Variants in CASZ1 observed in about 807,000 individuals in gnomAD.
CASZ1 encodes castor zinc finger 1.
In CASZ1, 28 loss-of-function variants were observed where a neutral mutation model predicts 135.2. That is an observed-to-expected ratio of 0.21 (90% CI 0.15 to 0.28). The LOEUF (loss-of-function observed/expected upper bound fraction) is 0.28, where lower values mean the gene tolerates loss of function less well. Ranked by LOEUF, CASZ1 falls within the 10% of genes least tolerant of loss-of-function variation. CASZ1 has a pLI of 1.00. For synonymous variants in CASZ1, 1,068 were observed against 1,073.4 expected (o/e 0.99, Z 0.10); for missense variants, 2,161 against 2,453.3 (o/e 0.88, Z 2.52).
chr1:10,697,272 G>A lies in CASZ1; in HGVS notation c.-23-3360C>T, dbSNP rs1485979894. On this transcript the variant is annotated intron_variant, in intron 3 of 20. Coordinates refer to ENST00000377022, the MANE Select transcript of CASZ1 (RefSeq NM_001079843.3). The surrounding 1 kb of genome is among the most constrained non-coding windows in gnomAD (Gnocchi z 4.7). ...CCCTTCTCTCTCTTTCTCTCTGAGTGTATCTGCTCATACCAAGAGGAGAGG... is the reference window on the plus strand; with the variant it reads ...CCCTTCTCTCTCTTTCTCTCTGAGTATATCTGCTCATACCAAGAGGAGAGG... Among the ~76,000 whole-genome samples the A allele has an allele frequency of 2.0e-5, 3 of 151,778 alleles. No individual in the cohort carries two copies. The highest frequency in any genetic ancestry group is 3.9e-4 in the East Asian group (2 of 5,170).
At chr1:10,736,354 C>T (rs777005195) in intron 2 of CASZ1, among the ~76,000 whole-genome samples, 102 of 152,310 alleles carry the variant, frequency 6.7e-4, no homozygotes, top group Non-Finnish European at 1.1e-3. Flanking sequence ...GGCAACGAGA[C>T]GGGAGCTCCA....
chr1:10,780,108 TC>T (rs974967180), intron 1 of CASZ1, among the ~76,000 whole-genome samples: 1 of 152,146 alleles, frequency 6.6e-6, no homozygotes, highest in Non-Finnish European at 1.5e-5. Context: ...AAACTGCACT[TC>T]CTCCTTATAA....
rs927369896 is a variant in CASZ1 at position 10,680,242 on chromosome 1, C to T, written c.16+13632G>A. On this transcript the variant is annotated intron_variant, in intron 4 of 20. Transcript: ENST00000377022. ...CAGGCAGAAGGCCTTACGATGCTGC[C>T]GGAGGGCTCCGGCTGGATGGCACGG... 5.7e-4 allele frequency among the ~76,000 whole-genome samples: 70 copies of T among 122,078 alleles called. 2 individuals carry two copies. In the Admixed American group the frequency reaches 6.2e-3, roughly 11 times the overall value. The allele number at this position is 122,078 out of a possible 152,430, so 80.1% of individuals were successfully genotyped here.
At chr1:10,771,778 T>C (rs779586176) in intron 1 of CASZ1, among the ~76,000 whole-genome samples, 1 of 151,980 alleles carries the variant, frequency 6.6e-6, no homozygotes, top group Non-Finnish European at 1.5e-5. Flanking sequence ...CAAACACATA[T>C]GAGAAAAAGA....
At chr1:10,656,942 G>A (rs544643824) in intron 7 of CASZ1, among the ~76,000 whole-genome samples, 2 of 152,310 alleles carry the variant, frequency 1.3e-5, no homozygotes, top group South Asian at 2.1e-4. Context: ...AAAGGGGCAG[G>A]ACAACACTGA....
intron 1 of CASZ1, among the ~76,000 whole-genome samples, chr1:10,795,111 A>ACCGGCCGCCGCTCCGC (rs1182897467): frequency 3.9e-5 from 6 of 151,956 alleles, no homozygotes; most frequent in Non-Finnish European, 7.4e-5. Context: ...GTAAAAATAA[A>ACCGGCCGCCGCTCCGC]CCGGCCGCCG....
rs1000897301 is a variant in CASZ1, at chr1:10,697,244, C to A, written c.-23-3332G>T. ...TGGAGGGGCCCCCAGATTATGCGCC[C>A]CCCCCTTCTCTCTCTTTCTCTCTGA... On this transcript the variant is annotated intron_variant, in intron 3 of 20. Coordinates refer to ENST00000377022, the MANE Select transcript of CASZ1 (RefSeq NM_001079843.3). The surrounding 1 kb of genome is among the most constrained non-coding windows in gnomAD (Gnocchi z 4.7). 9.9e-5 allele frequency among the ~76,000 whole-genome samples: 15 copies of A among 151,948 alleles called. No individual in the cohort carries two copies. Among genetic ancestry groups the A allele is most frequent in the Non-Finnish European group, 1.8e-4 (12 of 67,986 alleles).
intron 4 of CASZ1, among the ~76,000 whole-genome samples, chr1:10,685,611 C>G (rs1351488937): frequency 1.3e-5 from 2 of 152,246 alleles, no homozygotes; most frequent in Non-Finnish European, 2.9e-5. Flanking sequence ...CCTCCCCAAC[C>G]CGGGAGCCCT....
chr1:10,781,975 G>C (rs1223366659), intron 1 of CASZ1, among the ~76,000 whole-genome samples: 1 of 152,190 alleles, frequency 6.6e-6, no homozygotes. Context: ...GACTCCACCA[G>C]CCTTTTCCAG....
chr1:10,693,749 G>GCCGCCCGACCCTCCCGGCCC (rs1408308136), intron 4 of CASZ1, 125 bp downstream of exon 4: 1 of 810,258 alleles, frequency 1.2e-6, no homozygotes, highest in Non-Finnish European at 2.1e-6. Flanking sequence ...CCGGGAGGCA[G>GCCGCCCGACCCTCCCGGCCC]CCGCCCGACC....
At position 10,762,522 on chromosome 1, in the gene CASZ1, C is replaced by T. The variant is rs1045448265; in HGVS notation, c.-233-1665G>A. Among the ~76,000 whole-genome samples the T allele has an allele frequency of 6.6e-6, 1 of 152,118 alleles. No individual in the cohort carries two copies. Among genetic ancestry groups the T allele is most frequent in the African/African-American group, 2.4e-5 (1 of 41,402 alleles). On this transcript the variant is annotated intron_variant, in intron 1 of 20. Transcript: ENST00000377022. The surrounding 1 kb of genome is among the most constrained non-coding windows in gnomAD (Gnocchi z 4.1). ...ACTCCCCTGCCTGTTAGTCCAGAAT[C>T]CCCCAAAGCCCTGGGCAGCCCGTCC...
At position 10,639,232 on chromosome 1, in the gene CASZ1, C is replaced by T; in HGVS notation, c.4990G>A (p.Ala1664Thr). 1 of 923,154 alleles carries T rather than the reference C, an allele frequency of 1.1e-6. No homozygotes were observed. The highest frequency in any genetic ancestry group is 1.3e-6 in the Non-Finnish European group (1 of 774,022). 57.2% of individuals were successfully genotyped at this position (923,154 alleles called of 1,614,324 possible). Residue 1664 changes from alanine (A) to threonine (T), a missense_variant, in exon 21 of 21, where the codon GCC becomes ACC. By Grantham distance (58) the Ala-to-Thr change is moderately conservative. Around this residue, in one of 7 missense-constraint regions of CASZ1, gnomAD observed 185 missense variants for 134.7 expected, o/e 1.37. Transcript: ENST00000377022. This position sits in a 1 kb window ranked among gnomAD's most constrained non-coding sequence, Gnocchi z 4.0. Reference sequence around the variant, plus strand: ...TCCCCAGCTGCGGCGGCGGCGGCGGCGGCGCCCTCGCGCGGCCCGGGGGCG... The same window carrying T: ...TCCCCAGCTGCGGCGGCGGCGGCGGTGGCGCCCTCGCGCGGCCCGGGGGCG... ...AAAPGPREGAAAAAAAAGESS... is the reference protein window; with the variant it reads ...AAAPGPREGATAAAAAAGESS...
intron 1 of CASZ1, among the ~76,000 whole-genome samples, chr1:10,780,031 C>G (rs1640735407): frequency 6.6e-6 from 1 of 152,182 alleles, no homozygotes; most frequent in South Asian, 2.1e-4. Context: ...GTGCCCTGGC[C>G]CTTGTGCCCA....
chr1:10,765,354 G>A (rs574703211), intron 1 of CASZ1, among the ~76,000 whole-genome samples: 16 of 150,954 alleles, frequency 1.1e-4, no homozygotes, highest in African/African-American at 3.9e-4. Context: ...AAACACAGAC[G>A]TGCACATTGC....
rs547684701 is a variant in CASZ1, at chr1:10,675,752, G to A, written c.17-10181C>T. On this transcript the variant is annotated intron_variant, in intron 4 of 20. Transcript: ENST00000377022. Reference sequence around the variant, plus strand: ...TGGGAACTCTCCTGGCCCCTATTAAGCATGGGTAAGGACTCGGGGGCCAGC... The same window carrying A: ...TGGGAACTCTCCTGGCCCCTATTAAACATGGGTAAGGACTCGGGGGCCAGC... Among the ~76,000 whole-genome samples, 18 of 152,092 alleles carry A rather than the reference G, an allele frequency of 1.2e-4. No individual in the cohort carries two copies. In the South Asian group the frequency reaches 3.1e-3, roughly 26 times the overall value.
chr1:10,733,335 G>A (rs552626640), intron 2 of CASZ1, among the ~76,000 whole-genome samples: 68 of 152,188 alleles, frequency 4.5e-4, no homozygotes, highest in Non-Finnish European at 9.0e-4. Context: ...CCTCTGCTGA[G>A]AGTGGCATGT....
At chr1:10,772,320 C>T (rs573425517) in intron 1 of CASZ1, among the ~76,000 whole-genome samples, 8 of 152,288 alleles carry the variant, frequency 5.3e-5, no homozygotes, top group East Asian at 1.9e-4. Context: ...AGACCCAGGC[C>T]GCCACCATTG....
rs754061163 is a variant in CASZ1, at chr1:10,639,908, G to A, written c.4314C>T (p.Asp1438=). ...CTGCGTCCTTGCAGTCCTCGTAAAG[G>A]TCGAAGCGCCGGAAGCCCTCCAGCA... ...GMMLEGFRRF[D]LYEDCKDAAC... Residue 1438 remains aspartate, a synonymous_variant, in exon 21 of 21, where the codon GAC becomes GAT. Coordinates refer to ENST00000377022, the MANE Select transcript of CASZ1 (RefSeq NM_001079843.3). The surrounding 1 kb of genome is among the most constrained non-coding windows in gnomAD (Gnocchi z 4.0). The A allele has an allele frequency of 9.9e-6, 16 of 1,612,926 alleles. No individual in the cohort carries two copies. The East Asian group carries it at 3.6e-4, about 36-fold the overall frequency.
chr1:10,694,544 G>C lies in CASZ1; in HGVS notation c.-23-632C>G, dbSNP rs909795652. The C allele has an allele frequency of 2.1e-5, 3 of 142,878 alleles. No homozygotes were observed. The highest frequency in any genetic ancestry group is 6.9e-5 in the Admixed American group (1 of 14,478). 8.9% of individuals were successfully genotyped at this position (142,878 alleles called of 1,614,324 possible). On this transcript the variant is annotated intron_variant, in intron 3 of 20. Coordinates refer to ENST00000377022, the MANE Select transcript of CASZ1 (RefSeq NM_001079843.3). This position sits in a 1 kb window ranked among gnomAD's most constrained non-coding sequence, Gnocchi z 6.6. ...GCCGCGGCGCCGCCTCCTCGGCCCG[G>C]CCCGCGCCGGCCCCGGCAGGTGAAA...
Sources: gnomAD v4.1 joint callset for allele counts (sites outside exome capture counted in the v4.1 genomes callset) on GRCh38, gnomAD v4.1.1 for gene constraint, gnomAD v4.1.1 regional missense constraint, Gnocchi (gnomAD v3.1) non-coding constraint, MANE v1.5 for transcripts, NCBI Gene and HGNC (gene_info 2026-07-23, HGNC 2026-07-21) for gene names.